Variants in CDT1 observed in about 807,000 individuals in gnomAD.
CDT1 encodes the protein DNA replication factor Cdt1.
Under a neutral mutation model 49.3 loss-of-function variants are expected in CDT1, and 66 were observed. The observed-to-expected ratio is 1.34, with a 90% confidence interval of 1.10 to 1.64. The LOEUF (loss-of-function observed/expected upper bound fraction) is 1.64, where lower values mean the gene tolerates loss of function less well. CDT1 is among the 40% of genes most tolerant of loss of function. The probability of loss-of-function intolerance (pLI) is 0.00; values close to 1 mark genes in which losing one functional copy is unlikely to be tolerated. For missense variants in CDT1, 958 were observed against 807.7 expected (o/e 1.19, Z -2.26); for synonymous variants, 424 against 347.4 (o/e 1.22, Z -2.45).
Position 88,807,104 on chromosome 16 carries a change from C to T in CDT1, c.1176C>T (p.Pro392=), listed in dbSNP as rs143599393. 6.0e-4 allele frequency: 961 copies of T among 1,612,694 alleles called. 1 individual carries two copies. Among genetic ancestry groups the T allele is most frequent in the Non-Finnish European group, 7.4e-4 (869 of 1,179,964 alleles). ...TGCGCTCTGCTGCGCCCAGCAGCCC[C>T]GGGTCTCCCAGGCCAGCACTGCCGG... The part of the protein sequence containing the change: ...LALRSAAPSS[P]GSPRPALPAT... Residue 392 remains proline, a synonymous_variant, in exon 8 of 10, where the codon CCC becomes CCT. Coordinates refer to ENST00000301019, the MANE Select transcript of CDT1 (RefSeq NM_030928.4).
chr16:88,806,109 G>A lies in CDT1; in HGVS notation c.921G>A (p.Lys307=). The change falls in exon 6 of 10, where the codon AAG becomes AAA. Residue 307 remains lysine (K), a synonymous_variant. Coordinates refer to ENST00000301019, the MANE Select transcript of CDT1 (RefSeq NM_030928.4). The part of the protein sequence containing the change: ...IFSQKLVEHV[K]EHHKAFLASL... The stretch of plus-strand genomic sequence containing the variant: ...GCCAGAAGCTGGTGGAGCATGTCAA[G>A]GAGCACCACAAGGTGAGCGGCCCCC... The A allele has an allele frequency of 1.3e-6, 2 of 1,598,694 alleles. No homozygotes were observed. Among genetic ancestry groups the A allele is most frequent in the Non-Finnish European group, 1.7e-6 (2 of 1,177,196 alleles).
chr16:88,803,907 G>A lies in CDT1; in HGVS notation c.76G>A (p.Ala26Thr). 7.1e-7 allele frequency: 1 copy of A among 1,404,392 alleles called. No individual in the cohort carries two copies. 87.0% of individuals were successfully genotyped at this position (1,404,392 alleles called of 1,614,324 possible). ...CCCCCGCATCGCGCCGCCCAAGCTG[G>A]CCTGCCGCACCCCCAGCCCCGCCAG... ...GPPRIAPPKL[A>T]CRTPSPARPA... The change falls in exon 1 of 10, where the codon GCC (alanine) becomes ACC (threonine). Residue 26 changes from alanine to threonine, a missense_variant. Physicochemically the swap from Ala to Thr is moderately conservative, Grantham distance 58 (BLOSUM62 0). Transcript: ENST00000301019.
Position 88,808,215 on chromosome 16 carries a change from C to T in CDT1, c.1578C>T (p.Ala526=), listed in dbSNP as rs141757329. ...ACACCTACGTCAAGCTGGACAAGGC[C>T]GCGGACCTCGCCCACATCACTGCAC... The part of the protein sequence containing the change: ...RTDTYVKLDK[A]ADLAHITARL... The change falls in exon 10 of 10, where the codon GCC becomes GCT. Residue 526 remains alanine (A), a synonymous_variant. Transcript: ENST00000301019. The T allele has an allele frequency of 8.5e-5, 137 of 1,610,946 alleles. 1 individual carries two copies. The highest frequency in any genetic ancestry group is 2.0e-4 in the East Asian group (9 of 44,842).
At chr16:88,804,294 C>T (rs1314104486) in intron 1 of CDT1, among the ~76,000 whole-genome samples, 1 of 152,074 alleles carries the variant, frequency 6.6e-6, no homozygotes, top group Non-Finnish European at 1.5e-5. Flanking sequence ...CACCGGGATC[C>T]GATGATGGGG....
intron 7 of CDT1, 75 bp from the exon 8 acceptor site, chr16:88,806,976 C>A (rs1287938268): frequency 6.3e-7 from 1 of 1,576,352 alleles, no homozygotes; most frequent in Non-Finnish European, 8.7e-7. Context: ...TGAGAGATAC[C>A]GGGGACTCCT....
In CDT1 at chr16:88,803,855, C is replaced by G. The variant is rs1394255147; in HGVS notation, c.24C>G (p.Asp8Glu). Residue 8 changes from aspartate (D) to glutamate (E), a missense_variant, in exon 1 of 10, where the codon GAC becomes GAG. Transcript: ENST00000301019. MEQRRVTDFFARRRPGPP... is the reference protein window; with the variant it reads MEQRRVTEFFARRRPGPP... The stretch of plus-strand genomic sequence containing the variant: ...CCATGGAGCAGCGCCGCGTCACCGA[C>G]TTCTTCGCGCGCCGCCGCCCCGGGC... The G allele has an allele frequency of 2.0e-6, 3 of 1,491,292 alleles. No individual in the cohort carries two copies. The highest frequency in any genetic ancestry group is 5.9e-5 in the East Asian group (2 of 34,066). 92.4% of individuals were successfully genotyped at this position (1,491,292 alleles called of 1,614,324 possible). A position where few individuals can be genotyped will look rare whatever the true frequency, so the allele number is the denominator to read the frequency against.
At position 88,807,124 on chromosome 16, in the gene CDT1, T is replaced by C. The variant is rs768108309; in HGVS notation, c.1196T>C (p.Leu399Pro). The change falls in exon 8 of 10, where the codon CTG becomes CCG. Residue 399 changes from leucine to proline, a missense_variant. Physicochemically the swap from Leu to Pro is moderately conservative, Grantham distance 98. Coordinates refer to ENST00000301019, the MANE Select transcript of CDT1 (RefSeq NM_030928.4). ...PSSPGSPRPA[L>P]PATPPATPPA... Reference sequence around the variant, plus strand: ...AGCCCCGGGTCTCCCAGGCCAGCACTGCCGGCTACCCCACCAGCCACCCCG... The same window carrying C: ...AGCCCCGGGTCTCCCAGGCCAGCACCGCCGGCTACCCCACCAGCCACCCCG... The C allele has an allele frequency of 1.1e-5, 17 of 1,612,568 alleles. 2 individuals are homozygous for C. The South Asian group carries it at 1.5e-4, about 15-fold the overall frequency.
At position 88,804,638 on chromosome 16, in the gene CDT1, C is replaced by T. The variant is rs765346879; in HGVS notation, c.322C>T (p.Pro108Ser). 4 of 1,612,572 alleles carry T rather than the reference C, an allele frequency of 2.5e-6. No individual in the cohort carries two copies. Among genetic ancestry groups the T allele is most frequent in the Non-Finnish European group, 2.5e-6 (3 of 1,179,774 alleles). ...IKKSTPAAGQ[P>S]PHLTSAQDQD... Reference sequence around the variant, plus strand: ...GAAATCCACCCCGGCAGCAGGTCAGCCGCCCCACCTGACATCCGCGCAGGA... The same window carrying T: ...GAAATCCACCCCGGCAGCAGGTCAGTCGCCCCACCTGACATCCGCGCAGGA... Residue 108 changes from proline to serine, a missense_variant, in exon 2 of 10, where the codon CCG (proline) becomes TCG (serine). Transcript: ENST00000301019.
chr16:88,808,033 G>T, intron 9 of CDT1, 82 bp from the exon 10 acceptor site: 1 of 1,479,240 alleles, frequency 6.8e-7, no homozygotes, highest in Non-Finnish European at 9.3e-7. Flanking sequence ...CACAGAGGTT[G>T]GGTGGTCAGG....
chr16:88,806,383 G>C (rs1159854128), intron 6 of CDT1, 103 bp from the exon 7 acceptor site: 5 of 1,373,994 alleles, frequency 3.6e-6, no homozygotes, highest in Non-Finnish European at 5.0e-6. Flanking sequence ...TGAGTGACTT[G>C]CCCGAGGCGG....
Position 88,804,638 on chromosome 16 carries a change from C to G in CDT1, c.322C>G (p.Pro108Ala). 6.2e-7 allele frequency: 1 copy of G among 1,612,572 alleles called. No homozygotes were observed. Among genetic ancestry groups the G allele is most frequent in the African/African-American group, 1.3e-5 (1 of 75,050 alleles). Reference protein sequence around the residue: ...IKKSTPAAGQPPHLTSAQDQD... With the variant: ...IKKSTPAAGQAPHLTSAQDQD... ...GAAATCCACCCCGGCAGCAGGTCAG[C>G]CGCCCCACCTGACATCCGCGCAGGA... Residue 108 changes from proline to alanine, a missense_variant, in exon 2 of 10, where the codon CCG becomes GCG. Pro to Ala is a conservative substitution (Grantham distance 27, BLOSUM62 -1). Transcript: ENST00000301019.
In CDT1 at chr16:88,806,570, G is replaced by C; in HGVS notation, c.1018G>C (p.Val340Leu). 6.2e-7 allele frequency: 1 copy of C among 1,609,480 alleles called. No individual in the cohort carries two copies. Among genetic ancestry groups the C allele is most frequent in the Admixed American group, 1.7e-5 (1 of 59,668 alleles). Residue 340 changes from valine to leucine, a missense_variant, in exon 7 of 10, where the codon GTA becomes CTA. By Grantham distance (32) the Val-to-Leu change is conservative. Coordinates refer to ENST00000301019, the MANE Select transcript of CDT1 (RefSeq NM_030928.4). ...RWHPRFNVDE[V>L]PDIEPAALPQ... is the part of the protein sequence containing the mutation. Reference sequence around the variant, plus strand: ...GCACCCGCGCTTCAACGTGGATGAAGTACCCGACATCGAGCCGGCCGCGCT... The same window carrying C: ...GCACCCGCGCTTCAACGTGGATGAACTACCCGACATCGAGCCGGCCGCGCT...
At position 88,807,261 on chromosome 16, in the gene CDT1, G is replaced by C. The variant is rs1048189754; in HGVS notation, c.1276-20G>C. 2 of 1,611,756 alleles carry C rather than the reference G, an allele frequency of 1.2e-6. No homozygotes were observed. Among genetic ancestry groups the C allele is most frequent in the East Asian group, 2.2e-5 (1 of 44,864 alleles). The stretch of plus-strand genomic sequence containing the variant: ...CTGGTGACCTGCTGCCCACTAACCA[G>C]GTCCCGGTACCTGCTGCAGATCCGA... On this transcript the variant is annotated intron_variant, in intron 8 of 9. Coordinates refer to ENST00000301019, the MANE Select transcript of CDT1 (RefSeq NM_030928.4).
In CDT1 at chr16:88,807,211, GT is replaced by G; in HGVS notation, c.1275+9del. Reference sequence around the variant, plus strand: ...CAGGATCTGCTGGAGCGGGTGAGTCGTCCCCAGTGATGGCGGGTGGGCGCCT... The same window carrying G: ...CAGGATCTGCTGGAGCGGGTGAGTCGCCCCAGTGATGGCGGGTGGGCGCCT... On this transcript the variant is annotated intron_variant, in intron 8 of 9. Transcript: ENST00000301019. 1 of 1,612,180 alleles carries G rather than the reference GT, an allele frequency of 6.2e-7. No homozygotes were observed. Among genetic ancestry groups the G allele is most frequent in the East Asian group, 2.2e-5 (1 of 44,862 alleles).
Position 88,806,020 on chromosome 16 carries a change from G to C in CDT1, c.833-1G>C. On this transcript the variant is annotated splice_acceptor_variant, in intron 5 of 9. Coordinates refer to ENST00000301019, the MANE Select transcript of CDT1 (RefSeq NM_030928.4). LOFTEE classifies it high-confidence loss of function. ...GACTTAGGCCTGGACTCGTCCCACAGAGGCTGACGGAGCAGCCCCCCAGCT... is the reference window on the plus strand; with the variant it reads ...GACTTAGGCCTGGACTCGTCCCACACAGGCTGACGGAGCAGCCCCCCAGCT... The C allele has an allele frequency of 6.3e-7, 1 of 1,589,420 alleles. No individual in the cohort carries two copies. Among genetic ancestry groups the C allele is most frequent in the Non-Finnish European group, 8.5e-7 (1 of 1,171,716 alleles).
chr16:88,808,703 TAAG>T lies in CDT1; in HGVS notation c.*428_*430del, dbSNP rs1044881208. On this transcript the variant is annotated 3_prime_UTR_variant, in exon 10 of 10. Coordinates refer to ENST00000301019, the MANE Select transcript of CDT1 (RefSeq NM_030928.4). The stretch of plus-strand genomic sequence containing the variant: ...CACAGCAAAGGGTGACTTTTGTCAT[TAAG>T]AAAGACTGGGGTGGGTGTGGTGGCT... 1 of 206,350 alleles carries T rather than the reference TAAG, an allele frequency of 4.8e-6. No homozygotes were observed. Among genetic ancestry groups the T allele is most frequent in the Non-Finnish European group, 1.0e-5 (1 of 100,348 alleles). The allele number at this position is 206,350 out of a possible 1,614,324, so 12.8% of individuals were successfully genotyped here.
At chr16:88,805,658 T>C in intron 4 of CDT1, 21 bp downstream of exon 4, 1 of 1,612,514 alleles carries the variant, frequency 6.2e-7, no homozygotes, top group Non-Finnish European at 8.5e-7. Flanking sequence ...GGGGGTGGGC[T>C]GTGGCTGTCC....
rs754735807 is a variant in CDT1 at position 88,807,266 on chromosome 16, C to T, written c.1276-15C>T. On this transcript the variant is annotated splice_polypyrimidine_tract_variant and intron_variant, in intron 8 of 9. Coordinates refer to ENST00000301019, the MANE Select transcript of CDT1 (RefSeq NM_030928.4). ...GACCTGCTGCCCACTAACCAGGTCC[C>T]GGTACCTGCTGCAGATCCGAGCCAA... is the stretch of plus-strand genomic sequence containing the variant. The T allele has an allele frequency of 1.5e-5, 24 of 1,611,586 alleles. No individual in the cohort carries two copies. The highest frequency in any genetic ancestry group is 5.0e-5 in the Admixed American group (3 of 59,922).
intron 3 of CDT1, among the ~76,000 whole-genome samples, chr16:88,805,156 G>T (rs1269186199): frequency 6.6e-6 from 1 of 152,238 alleles, no homozygotes; most frequent in Non-Finnish European, 1.5e-5. Flanking sequence ...TTGGTGTGTT[G>T]TCTGCCTCTG....
Sources: allele counts gnomAD v4.1 joint callset (sites outside exome capture counted in the v4.1 genomes callset), GRCh38; gene constraint gnomAD v4.1.1; transcripts MANE v1.5; gene names NCBI Gene and HGNC (gene_info 2026-07-23, HGNC 2026-07-21).